GALNTL6: variants seen among roughly 807,000 people sequenced by gnomAD.
GALNTL6 encodes polypeptide N-acetylgalactosaminyltransferase like 6.
A neutral mutation model predicts 73.7 loss-of-function variants in GALNTL6; 46 were observed. The observed-to-expected ratio is 0.62, with a 90% CI of 0.49 to 0.80. GALNTL6 has a LOEUF of 0.80. Among genes scored for constraint, GALNTL6 ranks in the 30% least tolerant of loss-of-function variants. The pLI is 0.00. For missense variants in GALNTL6, 604 were observed against 755.0 expected, an observed-to-expected ratio of 0.80 and a Z score of 2.34; for synonymous variants, 259 against 263.7, an observed-to-expected ratio of 0.98 and a Z score of 0.17.
At chr4:173,000,311 T>C (rs572447622) in intron 10 of GALNTL6, among the ~76,000 whole-genome samples, 1 of 152,236 alleles carries the variant, frequency 6.6e-6, no homozygotes, top group South Asian at 2.1e-4. Context: ...ACCACTACAT[T>C]ATATGTCTCC....
chr4:172,068,227 C>T lies in GALNTL6; in HGVS notation c.139-161429C>T, dbSNP rs1340427343. On this transcript the variant is annotated intron_variant, in intron 2 of 12. Coordinates refer to ENST00000506823, the MANE Select transcript of GALNTL6 (RefSeq NM_001034845.3). ...TCTGAAAGTGTCTACTTTTTTCCCTCCTCACTATCCGCACCCTAGCTCAAG... is the reference window on the plus strand; with the variant it reads ...TCTGAAAGTGTCTACTTTTTTCCCTTCTCACTATCCGCACCCTAGCTCAAG... Among the ~76,000 whole-genome samples the T allele has an allele frequency of 1.8e-5, 2 of 108,646 alleles. 1 individual carries two copies. The highest frequency in any genetic ancestry group is 7.0e-5 in the African/African-American group (2 of 28,674). 71.3% of individuals were successfully genotyped at this position (108,646 alleles called of 152,430 possible). A position where few individuals can be genotyped will look rare whatever the true frequency, so the allele number is the denominator to read the frequency against.
intron 2 of GALNTL6, among the ~76,000 whole-genome samples, chr4:172,205,961 T>A (rs1736097052): frequency 6.6e-6 from 1 of 152,178 alleles, no homozygotes; most frequent in Admixed American, 6.5e-5. Context: ...AAATGCATTC[T>A]TTGTTTTCCC....
intron 5 of GALNTL6, among the ~76,000 whole-genome samples, chr4:172,592,073 A>T (rs1197308192): frequency 1.3e-5 from 2 of 152,112 alleles, no homozygotes; most frequent in South Asian, 2.1e-4. Context: ...AGAAATATCT[A>T]AGGCTGGGTA....
chr4:171,916,418 C>A (rs1737634220), intron 2 of GALNTL6, among the ~76,000 whole-genome samples: 3 of 152,062 alleles, frequency 2.0e-5, no homozygotes, highest in South Asian at 2.1e-4. Flanking sequence ...AAAATAGTAA[C>A]TTCAAAGGCT....
intron 5 of GALNTL6, among the ~76,000 whole-genome samples, chr4:172,653,444 C>T (rs1740589280): frequency 6.6e-6 from 1 of 152,118 alleles, no homozygotes; most frequent in Non-Finnish European, 1.5e-5. Flanking sequence ...TGGTCTTGAA[C>T]TCCTGACCTC....
chr4:172,034,234 G>A (rs1042468966), intron 2 of GALNTL6, among the ~76,000 whole-genome samples: 2 of 152,038 alleles, frequency 1.3e-5, no homozygotes, highest in Admixed American at 1.3e-4. Flanking sequence ...AAAGTGCTCT[G>A]TAGCGCCCTC....
At position 172,238,407 on chromosome 4, in the gene GALNTL6, T is replaced by C. The variant is rs558957725; in HGVS notation, c.247+8643T>C. Among the ~76,000 whole-genome samples, 20 of 152,254 alleles carry C rather than the reference T, an allele frequency of 1.3e-4. No individual in the cohort carries two copies. The South Asian group carries it at 3.9e-3, about 30-fold the overall frequency. Reference sequence around the variant, plus strand: ...CTTAATTTGCCTCTCAGCTTGGATGTTGCTGGTGTATAGAAATGCTACTAA... The same window carrying C: ...CTTAATTTGCCTCTCAGCTTGGATGCTGCTGGTGTATAGAAATGCTACTAA... On this transcript the variant is annotated intron_variant, in intron 3 of 12. Transcript: ENST00000506823.
chr4:172,779,960 C>T (rs1739290222), intron 5 of GALNTL6, among the ~76,000 whole-genome samples: 1 of 152,110 alleles, frequency 6.6e-6, no homozygotes, highest in Non-Finnish European at 1.5e-5. Context: ...AGTATTCGTT[C>T]CTCTGTTCTC....
At chr4:172,320,984 C>A (rs1043971651) in intron 4 of GALNTL6, among the ~76,000 whole-genome samples, 1 of 151,936 alleles carries the variant, frequency 6.6e-6, no homozygotes, top group East Asian at 1.9e-4. Flanking sequence ...CAATCATAGT[C>A]AAAAAATAAG....
At chr4:172,773,748 T>C (rs1176543486) in intron 5 of GALNTL6, among the ~76,000 whole-genome samples, 1 of 152,212 alleles carries the variant, frequency 6.6e-6, no homozygotes, top group East Asian at 1.9e-4. Context: ...TTTAAGTTAC[T>C]CAAAGTGGCA....
chr4:172,802,794 A>C (rs1414894405), intron 5 of GALNTL6, among the ~76,000 whole-genome samples: 4 of 150,864 alleles, frequency 2.7e-5, no homozygotes, highest in South Asian at 2.1e-4. Flanking sequence ...CCGTCTCAAA[A>C]AAACAAACAA....
At chr4:172,484,506 G>A (rs114943320) in intron 5 of GALNTL6, among the ~76,000 whole-genome samples, 3,183 of 151,476 alleles carry the variant, frequency 0.021, 105 homozygotes, top group African/African-American at 0.073. Context: ...GAAAGCGCTG[G>A]TTGGAAACAT....
chr4:172,873,758 G>GTTTTGTTTTTGT (rs1745058172), intron 7 of GALNTL6, among the ~76,000 whole-genome samples: 1 of 152,052 alleles, frequency 6.6e-6, no homozygotes, highest in Non-Finnish European at 1.5e-5. Context: ...CTGTTTTTTT[G>GTTTTGTTTTTGT]TTGTTGTTTT....
chr4:172,964,848 G>A (rs1278264058), intron 10 of GALNTL6, among the ~76,000 whole-genome samples: 1 of 152,212 alleles, frequency 6.6e-6, no homozygotes, highest in Non-Finnish European at 1.5e-5. Context: ...TAAAAAGCAG[G>A]TGCTTTCTGC....
At chr4:172,060,557 A>G (rs1421565864) in intron 2 of GALNTL6, among the ~76,000 whole-genome samples, 1 of 151,952 alleles carries the variant, frequency 6.6e-6, no homozygotes, top group Non-Finnish European at 1.5e-5. Context: ...AAAACATTTT[A>G]TTTCTCTAGG....
chr4:171,968,033 A>C (rs918502017), intron 2 of GALNTL6, among the ~76,000 whole-genome samples: 2 of 152,116 alleles, frequency 1.3e-5, no homozygotes, highest in Non-Finnish European at 2.9e-5. Flanking sequence ...CGATCTTCTT[A>C]CTCAGCTTCT....
chr4:172,768,342 G>C (rs1738560243), intron 5 of GALNTL6, among the ~76,000 whole-genome samples: 1 of 152,158 alleles, frequency 6.6e-6, no homozygotes, highest in South Asian at 2.1e-4. Flanking sequence ...TACAAATCAA[G>C]AGCCACAGTG....
At chr4:172,542,026 A>T (rs1735568817) in intron 5 of GALNTL6, among the ~76,000 whole-genome samples, 1 of 151,828 alleles carries the variant, frequency 6.6e-6, no homozygotes, top group South Asian at 2.1e-4. Flanking sequence ...TCGTTGTCCC[A>T]GTCAGGAAAA....
At chr4:172,072,392 G>A (rs1246701144) in intron 2 of GALNTL6, among the ~76,000 whole-genome samples, 2 of 151,950 alleles carry the variant, frequency 1.3e-5, no homozygotes, top group Non-Finnish European at 2.9e-5. Context: ...TTTCTCCCAA[G>A]TGATTTCATG....
Sources: gnomAD v4.1 joint callset for allele counts (sites outside exome capture counted in the v4.1 genomes callset) on GRCh38, gnomAD v4.1.1 for gene constraint, MANE v1.5 for transcripts, NCBI Gene and HGNC (gene_info 2026-07-23, HGNC 2026-07-21) for gene names.